PDZRN3: variants seen among roughly 807,000 people sequenced by gnomAD.
The protein encoded by PDZRN3 is PDZ domain containing ring finger 3.
Under a neutral mutation model 85.7 loss-of-function variants are expected in PDZRN3, and 38 were observed. The ratio of observed to expected loss-of-function variants is 0.44; its 90% CI spans 0.34 to 0.58. PDZRN3 has a LOEUF of 0.58. Ranked by LOEUF, PDZRN3 falls within the 20% of genes least tolerant of loss-of-function variation. The pLI is 0.01. For synonymous variants in PDZRN3, 759 were observed against 638.0 expected (o/e 1.19, Z -2.86); for missense variants, 1,629 against 1,506.4 (o/e 1.08, Z -1.35).
chr3:73,386,599 A>T (rs1701395096), intron 8 of PDZRN3, among the ~76,000 whole-genome samples: 1 of 152,220 alleles, frequency 6.6e-6, no homozygotes. Context: ...TGGTATTTTT[A>T]TAAATAATAA....
chr3:73,393,305 G>C lies in PDZRN3; in HGVS notation c.1255-2189C>G, dbSNP rs116531128. ...GGCCGCCAAGGTGACTATCTTTCAA[G>C]GAAGTACAGAAGATTCTACAGTTCT... On this transcript the variant is annotated intron_variant, in intron 5 of 9. Transcript: ENST00000263666. 3.3e-5 allele frequency among the ~76,000 whole-genome samples: 5 copies of C among 152,168 alleles called. No individual in the cohort carries two copies. In the East Asian group the frequency reaches 9.6e-4, roughly 29 times the overall value.
intron 3 of PDZRN3, among the ~76,000 whole-genome samples, chr3:73,485,805 T>C (rs1388221498): frequency 6.6e-6 from 1 of 152,234 alleles, no homozygotes; most frequent in East Asian, 1.9e-4. Flanking sequence ...TGTGTTAGCC[T>C]ATCCATCTCC....
At chr3:73,551,221 T>C (rs1328409237) in intron 3 of PDZRN3, among the ~76,000 whole-genome samples, 1 of 152,214 alleles carries the variant, frequency 6.6e-6, no homozygotes, top group African/African-American at 2.4e-5. Flanking sequence ...AGGTGGATAC[T>C]GCAGTCTGTA....
chr3:73,435,386 G>A lies in PDZRN3; in HGVS notation c.919-30991C>T, dbSNP rs73096426. Among the ~76,000 whole-genome samples, 109 of 152,294 alleles carry A rather than the reference G, an allele frequency of 7.2e-4. 1 individual carries two copies. Among genetic ancestry groups the A allele is most frequent in the Admixed American group, 1.2e-3 (19 of 15,300 alleles). On this transcript the variant is annotated intron_variant, in intron 3 of 9. Coordinates refer to ENST00000263666, the MANE Select transcript of PDZRN3 (RefSeq NM_015009.3). ...AGGGAAAGGAAGCCACAGATGGGGCGGGGCAGCTGCAGTAATTGCTGACTT... is the reference window on the plus strand; with the variant it reads ...AGGGAAAGGAAGCCACAGATGGGGCAGGGCAGCTGCAGTAATTGCTGACTT...
chr3:73,384,252 C>T lies in PDZRN3; in HGVS notation c.2314G>A (p.Glu772Lys), dbSNP rs1168169711. 2 of 1,613,318 alleles carry T rather than the reference C, an allele frequency of 1.2e-6. No homozygotes were observed. Among genetic ancestry groups the T allele is most frequent in the Admixed American group, 1.7e-5 (1 of 60,024 alleles). The part of the protein sequence containing the change: ...ESCRSTPLTL[E>K]ISPDNSLRRA... ...CTCAAGGAGTTGTCGGGGGAGATCTCCAGGGTGAGCGGGGTGCTGCGGCAG... is the reference window on the plus strand; with the variant it reads ...CTCAAGGAGTTGTCGGGGGAGATCTTCAGGGTGAGCGGGGTGCTGCGGCAG... The change falls in exon 10 of 10, where the codon GAG becomes AAG. Residue 772 changes from glutamate (E) to lysine (K), a missense_variant. Coordinates refer to ENST00000263666, the MANE Select transcript of PDZRN3 (RefSeq NM_015009.3).
chr3:73,588,064 G>A (rs1263416398), intron 3 of PDZRN3, among the ~76,000 whole-genome samples: 4 of 152,116 alleles, frequency 2.6e-5, no homozygotes, highest in Non-Finnish European at 5.9e-5. Context: ...CTGTTGACCT[G>A]TCCTCTAAGT....
At chr3:73,586,604 AG>A (rs1363490238) in intron 3 of PDZRN3, among the ~76,000 whole-genome samples, 20 of 152,300 alleles carry the variant, frequency 1.3e-4, no homozygotes, top group African/African-American at 4.8e-4. Flanking sequence ...CAAACCTCAC[AG>A]GGACACTTCA....
intron 3 of PDZRN3, among the ~76,000 whole-genome samples, chr3:73,410,914 A>G (rs1349260957): frequency 2.0e-5 from 3 of 152,232 alleles, no homozygotes. Flanking sequence ...ACATTTTTGC[A>G]TCACCTTACA....
At chr3:73,393,340 TCTACTACTACTACTA>T (rs148277626) in intron 5 of PDZRN3, among the ~76,000 whole-genome samples, 1 of 151,886 alleles carries the variant, frequency 6.6e-6, no homozygotes, top group Non-Finnish European at 1.5e-5. Flanking sequence ...TACTGGACTT[TCTACTACTACTACTA>T]CTACTACTGC....
chr3:73,605,663 AT>A (rs892117915), intron 2 of PDZRN3, among the ~76,000 whole-genome samples: 2 of 152,220 alleles, frequency 1.3e-5, no homozygotes, highest in Non-Finnish European at 2.9e-5. Flanking sequence ...ACGTGTGTGC[AT>A]TGTTGCTCAT....
chr3:73,460,204 T>C (rs1486034350), intron 3 of PDZRN3, among the ~76,000 whole-genome samples: 1 of 152,208 alleles, frequency 6.6e-6, no homozygotes, highest in Non-Finnish European at 1.5e-5. Context: ...AGAACTATTA[T>C]AATAGCAAAA....
chr3:73,425,181 AT>A lies in PDZRN3; in HGVS notation c.919-20787del, dbSNP rs906671190. Among the ~76,000 whole-genome samples, 478 of 146,072 alleles carry A rather than the reference AT, an allele frequency of 3.3e-3. 2 individuals carry two copies. The highest frequency in any genetic ancestry group is 0.011 in the African/African-American group (436 of 40,066). On this transcript the variant is annotated intron_variant, in intron 3 of 9. Coordinates refer to ENST00000263666, the MANE Select transcript of PDZRN3 (RefSeq NM_015009.3). Reference sequence around the variant, plus strand: ...AGGTGCCTGCCACCACGCCTGTCTAATTTTTTTTTTTGTATTTTTAGTAGAG... The same window carrying A: ...AGGTGCCTGCCACCACGCCTGTCTAATTTTTTTTTTGTATTTTTAGTAGAG...
intron 3 of PDZRN3, chr3:73,433,819 C>A: frequency 6.8e-7 from 1 of 1,473,252 alleles, no homozygotes. Flanking sequence ...GTGAGTCAAG[C>A]GACTGCAACG....
At chr3:73,410,254 C>G (rs555088462) in intron 3 of PDZRN3, among the ~76,000 whole-genome samples, 53 of 152,258 alleles carry the variant, frequency 3.5e-4, no homozygotes, top group Non-Finnish European at 6.5e-4. Context: ...ATAGTCTCCT[C>G]TAGGGCTTGG....
At chr3:73,412,089 A>C (rs1243967409) in intron 3 of PDZRN3, among the ~76,000 whole-genome samples, 2 of 152,222 alleles carry the variant, frequency 1.3e-5, no homozygotes, top group Non-Finnish European at 2.9e-5. Context: ...ACAATATAGA[A>C]GATGACATGC....
intron 3 of PDZRN3, among the ~76,000 whole-genome samples, chr3:73,424,914 C>T (rs1394263926): frequency 6.6e-6 from 1 of 152,176 alleles, no homozygotes; most frequent in Non-Finnish European, 1.5e-5. Flanking sequence ...ACACGAACTT[C>T]TCTACCATAA....
rs188305147 is a variant in PDZRN3 at position 73,419,044 on chromosome 3, G to A, written c.919-14649C>T. 1.4e-3 allele frequency among the ~76,000 whole-genome samples: 207 copies of A among 152,228 alleles called. 1 individual carries two copies. The highest frequency in any genetic ancestry group is 3.8e-3 in the African/African-American group (156 of 41,542). On this transcript the variant is annotated intron_variant, in intron 3 of 9. Transcript: ENST00000263666. ...ACTTCACAGGGGCACAGCAATTAGC[G>A]TGTGGACTAGATCCCTATGACGGAG...
At chr3:73,414,771 C>T (rs1010339198) in intron 3 of PDZRN3, among the ~76,000 whole-genome samples, 1 of 152,164 alleles carries the variant, frequency 6.6e-6, no homozygotes, top group African/African-American at 2.4e-5. Flanking sequence ...AATCAACATT[C>T]TAAATAAATT....
In PDZRN3 at chr3:73,493,869, C is replaced by T. The variant is rs539019767; in HGVS notation, c.919-89474G>A. The stretch of plus-strand genomic sequence containing the variant: ...AACCACTGGGATTGCTGGGCTGTGA[C>T]AGGATCAATCTTGGCGGTGCTAGGG... On this transcript the variant is annotated intron_variant, in intron 3 of 9. Transcript: ENST00000263666. Among the ~76,000 whole-genome samples the T allele has an allele frequency of 1.2e-4, 18 of 152,288 alleles. No individual in the cohort carries two copies. In the South Asian group the frequency reaches 3.7e-3, roughly 32 times the overall value.
Sources: allele counts gnomAD v4.1 joint callset (sites outside exome capture counted in the v4.1 genomes callset), GRCh38; gene constraint gnomAD v4.1.1; transcripts MANE v1.5; gene names NCBI Gene and HGNC (gene_info 2026-07-23, HGNC 2026-07-21).